The following PCDHGA5 variants were observed in gnomAD, a reference collection of about 807,000 sequenced individuals.
The protein encoded by PCDHGA5 is protocadherin gamma-A5.
A neutral mutation model predicts 56.7 loss-of-function variants in PCDHGA5; 36 were observed. That is an observed-to-expected ratio of 0.64 (90% confidence interval 0.49 to 0.84). The LOEUF (loss-of-function observed/expected upper bound fraction) is 0.84, where lower values mean the gene tolerates loss of function less well. Ranked by LOEUF, PCDHGA5 falls within the 40% of genes least tolerant of loss-of-function variation. PCDHGA5 has a pLI of 0.00. For missense variants in PCDHGA5, 1,305 were observed against 1,201.5 expected, an observed-to-expected ratio of 1.09 and a Z score of -1.27; for synonymous variants, 563 against 520.2, an observed-to-expected ratio of 1.08 and a Z score of -1.12.
rs376937850 is a variant in PCDHGA5 at position 141,491,097 on chromosome 5, C to T, written c.2422-3710C>T. The T allele has an allele frequency of 1.2e-6, 2 of 1,614,170 alleles. No homozygotes were observed. Among genetic ancestry groups the T allele is most frequent in the Non-Finnish European group, 1.7e-6 (2 of 1,180,018 alleles). On this transcript the variant is annotated intron_variant, in intron 1 of 3. Coordinates refer to ENST00000518069, the MANE Select transcript of PCDHGA5 (RefSeq NM_018918.3). The surrounding 1 kb of genome is among the most constrained non-coding windows in gnomAD (Gnocchi z 6.9). ...CACAGTCCACAGCCCCAGGACTGTT[C>T]CTCGTGTCTACACACACTGGTGAGG...
chr5:141,439,190 CA>C (rs200519543), intron 1 of PCDHGA5, among the ~76,000 whole-genome samples: 2,445 of 111,432 alleles, frequency 0.022, 39 homozygotes, highest in African/African-American at 0.057. Flanking sequence ...GAGACTCTGA[CA>C]AAAAAAAAAA....
chr5:141,383,351 G>C, intron 1 of PCDHGA5: 1 of 1,613,992 alleles, frequency 6.2e-7, no homozygotes, highest in Non-Finnish European at 8.5e-7. Flanking sequence ...CCTGGGGTTC[G>C]GTTTCCGTTA....
chr5:141,500,520 T>TA (rs2099801149), intron 2 of PCDHGA5, among the ~76,000 whole-genome samples: 2 of 152,312 alleles, frequency 1.3e-5, no homozygotes, highest in Admixed American at 1.3e-4. Flanking sequence ...AGCTTCATTT[T>TA]AAAAAAATCT....
chr5:141,469,213 G>C (rs866405809), intron 1 of PCDHGA5, among the ~76,000 whole-genome samples: 4 of 150,912 alleles, frequency 2.7e-5, no homozygotes, highest in African/African-American at 9.7e-5. Flanking sequence ...TGAAGTTGAG[G>C]CTTCAGTGAG....
At chr5:141,403,743 C>A (rs1165597254) in intron 1 of PCDHGA5, 1 of 1,613,856 alleles carries the variant, frequency 6.2e-7, no homozygotes, top group Non-Finnish European at 8.5e-7. Context: ...CTGCTTACTG[C>A]AACAGCCAGC....
chr5:141,428,188 G>A (rs1023078587), intron 1 of PCDHGA5: 3 of 1,433,350 alleles, frequency 2.1e-6, no homozygotes, highest in Admixed American at 1.8e-5. Flanking sequence ...GACAGCCGCC[G>A]CTCTCTGCGC....
In PCDHGA5 at chr5:141,427,967, G is replaced by A. The variant is rs535332244; in HGVS notation, c.2421+61216G>A. On this transcript the variant is annotated intron_variant, in intron 1 of 3. Coordinates refer to ENST00000518069, the MANE Select transcript of PCDHGA5 (RefSeq NM_018918.3). The stretch of plus-strand genomic sequence containing the variant: ...TCAATGACAATGTGCCGCGGGTGCT[G>A]TACCCCGCGCTGGGGCCCGATGGCT... 10 of 1,591,190 alleles carry A rather than the reference G, an allele frequency of 6.3e-6. No individual in the cohort carries two copies. In the East Asian group the frequency reaches 8.9e-5, roughly 14 times the overall value.
rs775712620 is a variant in PCDHGA5, at chr5:141,491,341, G to T, written c.2422-3466G>T. 1 of 1,613,982 alleles carries T rather than the reference G, an allele frequency of 6.2e-7. No homozygotes were observed. The highest frequency in any genetic ancestry group is 8.5e-7 in the Non-Finnish European group (1 of 1,180,016). ...TTACCTCATTGTGGCTCTAGCGACC[G>T]TCAGTCTCTTATCCCTAGTCACCTT... On this transcript the variant is annotated intron_variant, in intron 1 of 3. Coordinates refer to ENST00000518069, the MANE Select transcript of PCDHGA5 (RefSeq NM_018918.3). The surrounding 1 kb of genome is among the most constrained non-coding windows in gnomAD (Gnocchi z 6.9).
intron 1 of PCDHGA5, chr5:141,415,098 G>T (rs578221269): frequency 1.9e-5 from 31 of 1,613,588 alleles, no homozygotes; most frequent in African/African-American, 1.7e-4. Flanking sequence ...ACAGAGACGC[G>T]CTCAAGCAAA....
At chr5:141,425,805 C>T (rs1419480761) in intron 1 of PCDHGA5, among the ~76,000 whole-genome samples, 1 of 152,158 alleles carries the variant, frequency 6.6e-6, no homozygotes, top group African/African-American at 2.4e-5. Context: ...TGCATTGCTT[C>T]TGCTTAGAAA....
chr5:141,410,435 G>C (rs772158163), intron 1 of PCDHGA5: 5 of 1,614,054 alleles, frequency 3.1e-6, no homozygotes, highest in Non-Finnish European at 4.2e-6. Flanking sequence ...CAACTACAGT[G>C]AGGGGACTTT....
chr5:141,422,569 G>C, intron 1 of PCDHGA5: 2 of 1,613,984 alleles, frequency 1.2e-6, no homozygotes, highest in Non-Finnish European at 1.7e-6. Flanking sequence ...AGATGACAAC[G>C]ATAACCCTCC....
chr5:141,399,360 C>T, intron 1 of PCDHGA5: 1 of 1,613,978 alleles, frequency 6.2e-7, no homozygotes, highest in Non-Finnish European at 8.5e-7. Context: ...GAGAGCAAAC[C>T]CCGGAGTACA....
intron 1 of PCDHGA5, among the ~76,000 whole-genome samples, chr5:141,474,102 AAAC>A (rs909174523): frequency 2.6e-4 from 40 of 152,286 alleles, no homozygotes; most frequent in African/African-American, 8.7e-4. Flanking sequence ...ACAACAACAA[AAAC>A]AACAACAACG....
Position 141,393,204 on chromosome 5 carries a change from C to T in PCDHGA5, c.2421+26453C>T, listed in dbSNP as rs373432896. ...AATAATTGATATTAACGATAATAAC[C>T]CAAAATTCCAGGTCGAAGATCTAGA... On this transcript the variant is annotated intron_variant, in intron 1 of 3. Transcript: ENST00000518069. 7 of 1,613,342 alleles carry T rather than the reference C, an allele frequency of 4.3e-6. No homozygotes were observed. The African/African-American group carries it at 9.3e-5, about 22-fold the overall frequency.
At chr5:141,430,244 A>G (rs903055705) in intron 1 of PCDHGA5, among the ~76,000 whole-genome samples, 1 of 105,606 alleles carries the variant, frequency 9.5e-6, no homozygotes, top group Non-Finnish European at 1.8e-5. Context: ...AGAAACTCCT[A>G]GGGAGACATC....
chr5:141,380,459 C>T (rs1776510464), intron 1 of PCDHGA5, among the ~76,000 whole-genome samples: 1 of 152,164 alleles, frequency 6.6e-6, no homozygotes, highest in Non-Finnish European at 1.5e-5. Flanking sequence ...TGCAACCAAA[C>T]AAATGGTCAG....
rs757565497 is a variant in PCDHGA5 at position 141,370,731 on chromosome 5, C to A, written c.2421+3980C>A. 4 of 1,613,798 alleles carry A rather than the reference C, an allele frequency of 2.5e-6. No homozygotes were observed. The South Asian group carries it at 3.3e-5, about 13-fold the overall frequency. ...GGAATTTGAAATGGTTGCTGAAAAG[C>A]CTTTAAACTTTTTTCATGTAACTGT... On this transcript the variant is annotated intron_variant, in intron 1 of 3. Coordinates refer to ENST00000518069, the MANE Select transcript of PCDHGA5 (RefSeq NM_018918.3).
rs140184617 is a variant in PCDHGA5, at chr5:141,405,523, G to A, written c.2421+38772G>A. ...CAACCTCCGCCTCCCAAATTCAAGC[G>A]ATTCTCCTGCCTCAGCCTCCCAAGT... is the stretch of plus-strand genomic sequence containing the variant. On this transcript the variant is annotated intron_variant, in intron 1 of 3. Transcript: ENST00000518069. 5.4e-4 allele frequency: 366 copies of A among 679,318 alleles called. 4 individuals carry two copies. In the East Asian group the frequency reaches 9.7e-3, roughly 18 times the overall value. The allele number at this position is 679,318 out of a possible 1,614,324, so 42.1% of individuals were successfully genotyped here.
Sources: gnomAD v4.1 joint callset for allele counts (sites outside exome capture counted in the v4.1 genomes callset) on GRCh38, gnomAD v4.1.1 for gene constraint, Gnocchi (gnomAD v3.1) non-coding constraint, MANE v1.5 for transcripts, NCBI Gene and HGNC (gene_info 2026-07-23, HGNC 2026-07-21) for gene names.